ADAMTS12: variants seen among roughly 807,000 people sequenced by gnomAD.
The protein encoded by ADAMTS12 is A disintegrin and metalloproteinase with thrombospondin motifs 12.
A neutral mutation model predicts 167.8 loss-of-function variants in ADAMTS12; 118 were observed. The ratio of observed to expected loss-of-function variants is 0.70; its 90% CI spans 0.61 to 0.82. The LOEUF is 0.82. ADAMTS12 is among the 40% of genes least tolerant of loss of function. The pLI is 0.00. For synonymous variants in ADAMTS12, 704 were observed against 716.9 expected, an observed-to-expected ratio of 0.98 and a Z score of 0.29; for missense variants, 1,916 against 1,998.8, an observed-to-expected ratio of 0.96 and a Z score of 0.79.
intron 1 of ADAMTS12, among the ~76,000 whole-genome samples, chr5:33,890,130 G>C (rs1750790777): frequency 6.6e-6 from 1 of 152,086 alleles, no homozygotes; most frequent in Non-Finnish European, 1.5e-5. Flanking sequence ...ATGGCCCCGT[G>C]GTGTCTGCTT....
intron 17 of ADAMTS12, among the ~76,000 whole-genome samples, chr5:33,590,660 A>G (rs1392427141): frequency 6.6e-6 from 1 of 152,164 alleles, no homozygotes. Flanking sequence ...TTTTATTTTT[A>G]TAGAGAAAGG....
chr5:33,693,363 C>T (rs569520502), intron 3 of ADAMTS12, among the ~76,000 whole-genome samples: 31 of 152,090 alleles, frequency 2.0e-4, no homozygotes, highest in African/African-American at 3.6e-4. Context: ...TTTTAAAGAA[C>T]GTGAAAGAGA....
intron 2 of ADAMTS12, among the ~76,000 whole-genome samples, chr5:33,796,758 G>A (rs368999711): frequency 6.6e-6 from 1 of 152,096 alleles, no homozygotes; most frequent in African/African-American, 2.4e-5. Context: ...GATCCTGTAG[G>A]GTCTATGAAG....
intron 9 of ADAMTS12, 73 bp downstream of exon 9, chr5:33,648,749 T>G: frequency 6.4e-7 from 1 of 1,567,558 alleles, no homozygotes. Flanking sequence ...TATTTCCAAA[T>G]ATTGTCCTGG....
chr5:33,807,611 T>C (rs935929113), intron 2 of ADAMTS12, among the ~76,000 whole-genome samples: 16 of 152,206 alleles, frequency 1.1e-4, no homozygotes, highest in Admixed American at 9.2e-4. Flanking sequence ...TAATCATTGG[T>C]TGGCTTGATT....
intron 2 of ADAMTS12, among the ~76,000 whole-genome samples, chr5:33,823,221 C>T (rs1167702065): frequency 1.3e-5 from 2 of 152,110 alleles, no homozygotes; most frequent in African/African-American, 4.8e-5. Flanking sequence ...AGCTTTTCTC[C>T]CTGGGTGGCA....
In ADAMTS12 at chr5:33,597,274, A is replaced by AAG. The variant is rs1167617167; in HGVS notation, c.2528-1216_2528-1215dup. Among the ~76,000 whole-genome samples, 3 of 152,208 alleles carry AAG rather than the reference A, an allele frequency of 2.0e-5. No individual in the cohort carries two copies. The East Asian group carries it at 5.8e-4, about 29-fold the overall frequency. On this transcript the variant is annotated intron_variant, in intron 16 of 23. Coordinates refer to ENST00000504830, the MANE Select transcript of ADAMTS12 (RefSeq NM_030955.4). ...AGAAGCAACTCAGCATCTCCCTTGAAAGGGCTAGTGCTCACATGTGACACG... is the reference window on the plus strand; with the variant it reads ...AGAAGCAACTCAGCATCTCCCTTGAAAGAGGGCTAGTGCTCACATGTGACACG...
At chr5:33,630,994 A>G (rs1046054365) in intron 12 of ADAMTS12, 81 bp from the exon 13 acceptor site, 2 of 1,525,518 alleles carry the variant, frequency 1.3e-6, no homozygotes, top group African/African-American at 1.4e-5. Context: ...CGTACTTAGG[A>G]CCCCCAAGTG....
At chr5:33,813,260 G>A (rs1415289229) in intron 2 of ADAMTS12, among the ~76,000 whole-genome samples, 2 of 152,078 alleles carry the variant, frequency 1.3e-5, no homozygotes, top group African/African-American at 2.4e-5. Flanking sequence ...TTTCATTTTA[G>A]CCATCTGGAT....
chr5:33,530,430 C>G (rs758720997), intron 23 of ADAMTS12, among the ~76,000 whole-genome samples: 5 of 152,318 alleles, frequency 3.3e-5, no homozygotes, highest in Non-Finnish European at 7.3e-5. Context: ...TTCCCGGGCT[C>G]TGGGAAGCCC....
intron 12 of ADAMTS12, 150 bp downstream of exon 12, chr5:33,637,427 G>A (rs1245551134): frequency 1.4e-6 from 1 of 702,280 alleles, no homozygotes; most frequent in Non-Finnish European, 2.3e-6. Flanking sequence ...ACTTAACCAG[G>A]TCAGTGTTTC....
chr5:33,849,542 A>ATATATGTATTG (rs1749123519), intron 2 of ADAMTS12, among the ~76,000 whole-genome samples: 3 of 117,622 alleles, frequency 2.6e-5, no homozygotes, highest in African/African-American at 1.0e-4. Flanking sequence ...AGCAATATAT[A>ATATATGTATTG]CATATATGTA....
chr5:33,878,268 G>T (rs1421326776), intron 2 of ADAMTS12, among the ~76,000 whole-genome samples: 1 of 121,392 alleles, frequency 8.2e-6, no homozygotes, highest in Non-Finnish European at 1.6e-5. Flanking sequence ...AACTCATTTG[G>T]CTTTGGGTGC....
chr5:33,809,530 A>G (rs1747368926), intron 2 of ADAMTS12, among the ~76,000 whole-genome samples: 1 of 152,122 alleles, frequency 6.6e-6, no homozygotes, highest in South Asian at 2.1e-4. Flanking sequence ...ACCTAGATTT[A>G]TGTTTATTTA....
intron 16 of ADAMTS12, among the ~76,000 whole-genome samples, chr5:33,605,691 T>C (rs546684393): frequency 2.0e-5 from 3 of 152,178 alleles, no homozygotes; most frequent in Non-Finnish European, 2.9e-5. Flanking sequence ...ATTCATGTAA[T>C]AGGAGTCACA....
Position 33,658,260 on chromosome 5 carries a change from G to A in ADAMTS12, c.1114C>T (p.Pro372Ser), listed in dbSNP as rs1457029655. 6.2e-7 allele frequency: 1 copy of A among 1,613,620 alleles called. No individual in the cohort carries two copies. Among genetic ancestry groups the A allele is most frequent in the Non-Finnish European group, 8.5e-7 (1 of 1,179,708 alleles). ...TCATTGATGTTACAACTGCGGTGAG[G>A]CTGACACATTCCTGAAAGGTGAGAC... ...GLSHLSGMCQ[P>S]HRSCNINEDS... The change falls in exon 7 of 24, where the codon CCT becomes TCT. Residue 372 changes from proline to serine, a missense_variant. Transcript: ENST00000504830.
chr5:33,592,463 G>C (rs1010697221), intron 17 of ADAMTS12, among the ~76,000 whole-genome samples: 2 of 152,154 alleles, frequency 1.3e-5, no homozygotes, highest in Non-Finnish European at 2.9e-5. Context: ...CTGTGGCCTA[G>C]CAGAGCTTTG....
At chr5:33,756,481 G>GT (rs1194632057) in intron 2 of ADAMTS12, among the ~76,000 whole-genome samples, 1 of 152,188 alleles carries the variant, frequency 6.6e-6, no homozygotes, top group Non-Finnish European at 1.5e-5. Context: ...GCAAGAGACA[G>GT]TTTTTTTCTC....
At chr5:33,761,925 G>T (rs1330459757) in intron 2 of ADAMTS12, among the ~76,000 whole-genome samples, 2 of 152,236 alleles carry the variant, frequency 1.3e-5, no homozygotes, top group East Asian at 3.9e-4. Flanking sequence ...GGGCATGGTG[G>T]CTCACGCCTA....
Sources: gnomAD v4.1 joint callset for allele counts (sites outside exome capture counted in the v4.1 genomes callset) on GRCh38, gnomAD v4.1.1 for gene constraint, MANE v1.5 for transcripts, NCBI Gene and HGNC (gene_info 2026-07-23, HGNC 2026-07-21) for gene names.